Variants in SHPRH observed in about 807,000 individuals in gnomAD.
SHPRH encodes SNF2 histone linker PHD RING helicase.
In SHPRH, 106 loss-of-function variants were observed where a neutral mutation model predicts 202.5. The ratio of observed to expected loss-of-function variants is 0.52; its 90% CI spans 0.45 to 0.62. SHPRH has a LOEUF of 0.62. Among genes scored for constraint, SHPRH ranks in the 20% least tolerant of loss-of-function variants. The probability of loss-of-function intolerance (pLI) is 0.00; values close to 1 mark genes in which losing one functional copy is unlikely to be tolerated. For missense variants in SHPRH, 1,710 were observed against 2,020.0 expected, an observed-to-expected ratio of 0.85 and a Z score of 2.94; for synonymous variants, 729 against 686.0, an observed-to-expected ratio of 1.06 and a Z score of -0.98.
intron 3 of SHPRH, among the ~76,000 whole-genome samples, chr6:145,951,022 G>A (rs1192738195): frequency 6.6e-6 from 1 of 152,034 alleles, no homozygotes; most frequent in African/African-American, 2.4e-5. Context: ...AATAAGAAAT[G>A]GGTTCTCATT....
chr6:145,887,198 A>G (rs1449996011), intron 29 of SHPRH, among the ~76,000 whole-genome samples: 2 of 152,184 alleles, frequency 1.3e-5, no homozygotes, highest in Non-Finnish European at 1.5e-5. Flanking sequence ...CAAGAACTTT[A>G]AAAAGCCTTC....
At chr6:145,956,080 C>T (rs975358805) in intron 1 of SHPRH, among the ~76,000 whole-genome samples, 1 of 151,832 alleles carries the variant, frequency 6.6e-6, no homozygotes, top group African/African-American at 2.4e-5. Context: ...TAAGCTTAAA[C>T]AATGGAAACA....
chr6:145,896,767 T>A (rs1165906574), intron 25 of SHPRH, among the ~76,000 whole-genome samples: 1 of 151,994 alleles, frequency 6.6e-6, no homozygotes, highest in African/African-American at 2.4e-5. Context: ...AACAAAAATA[T>A]AGAAATTAAA....
intron 2 of SHPRH, among the ~76,000 whole-genome samples, chr6:145,878,404 G>C (rs1417482437): frequency 6.6e-6 from 1 of 152,260 alleles, no homozygotes; most frequent in African/African-American, 2.4e-5. Context: ...CCGTGTAGTA[G>C]CATACAGAAG....
intron 23 of SHPRH, 135 bp downstream of exon 23, chr6:145,917,996 A>G: frequency 1.8e-6 from 1 of 542,614 alleles, no homozygotes; most frequent in Non-Finnish European, 3.2e-6. Flanking sequence ...TATTGTAGAG[A>G]CATAGGTAGT....
In SHPRH at chr6:145,924,798, C is replaced by A. The variant is rs1784721689; in HGVS notation, c.3343G>T (p.Ala1115Ser). 1 of 1,611,878 alleles carries A rather than the reference C, an allele frequency of 6.2e-7. No homozygotes were observed. Among genetic ancestry groups the A allele is most frequent in the African/African-American group, 1.3e-5 (1 of 74,884 alleles). Residue 1115 changes from alanine (A) to serine (S), a missense_variant, in exon 17 of 30, where the codon GCT (alanine) becomes TCT (serine). By Grantham distance (99) the Ala-to-Ser change is moderately conservative. Transcript: ENST00000275233. ...GGATATAAAGCTTGCTGGGCTTCAG[C>A]AACTTCTGTATTACACTTGCTCATG... ...HYMSKCNTEV[A>S]EAQQALYPVQ...
downstream of SHPRH, among the ~76,000 whole-genome samples, chr6:145,863,953 A>G (rs1318671195): frequency 1.3e-5 from 2 of 152,238 alleles, no homozygotes; most frequent in Non-Finnish European, 2.9e-5. Flanking sequence ...TTGTTAAAAT[A>G]TCTTGTGATA....
At chr6:145,877,447 A>G (rs2128696511) in intron 2 of SHPRH, among the ~76,000 whole-genome samples, 1 of 152,256 alleles carries the variant, frequency 6.6e-6, no homozygotes, top group South Asian at 2.1e-4. Flanking sequence ...GATGGCTTTT[A>G]TTTGACCATG....
chr6:145,908,590 C>T (rs1314083759), intron 25 of SHPRH: 1 of 152,006 alleles, frequency 6.6e-6, no homozygotes, highest in African/African-American at 2.4e-5. Flanking sequence ...GTCCTTTGTC[C>T]AATTTTTGAT....
At chr6:145,932,197 T>C (rs1412636853) in intron 14 of SHPRH, among the ~76,000 whole-genome samples, 1 of 152,168 alleles carries the variant, frequency 6.6e-6, no homozygotes. Context: ...GGAATACAGT[T>C]TTAATGTTTC....
intron 2 of SHPRH, among the ~76,000 whole-genome samples, chr6:145,866,780 T>G (rs746542078): frequency 6.6e-6 from 1 of 152,212 alleles, no homozygotes; most frequent in Non-Finnish European, 1.5e-5. Flanking sequence ...ATTTGCTTCT[T>G]GAGTTCTGGG....
At chr6:145,881,081 A>C (rs1780545173), downstream of SHPRH, among the ~76,000 whole-genome samples, 1 of 152,230 alleles carries the variant, frequency 6.6e-6, no homozygotes, top group Non-Finnish European at 1.5e-5. Flanking sequence ...GCACGCATAA[A>C]TTATAGTTGG....
downstream of SHPRH, among the ~76,000 whole-genome samples, chr6:145,860,330 G>C (rs1407718803): frequency 1.3e-5 from 2 of 151,814 alleles, no homozygotes; most frequent in Non-Finnish European, 2.9e-5. Flanking sequence ...AAATTAATAT[G>C]CAAAAATTTG....
At chr6:145,887,308 C>T (rs561363101) in intron 29 of SHPRH, among the ~76,000 whole-genome samples, 1 of 152,230 alleles carries the variant, frequency 6.6e-6, no homozygotes, top group Middle Eastern at 3.4e-3. Flanking sequence ...TGCTATGTGA[C>T]AATCCCTTCT....
chr6:145,959,259 C>G (rs1401726658), intron 1 of SHPRH, among the ~76,000 whole-genome samples: 1 of 152,192 alleles, frequency 6.6e-6, no homozygotes, highest in Non-Finnish European at 1.5e-5. Flanking sequence ...GAGCAACCTT[C>G]AGTGTTATAA....
At chr6:145,902,003 G>T in intron 25 of SHPRH, among the ~76,000 whole-genome samples, 1 of 152,034 alleles carries the variant, frequency 6.6e-6, no homozygotes, top group South Asian at 2.1e-4. Flanking sequence ...TAGAGAACTC[G>T]GATGGGAGAC....
At chr6:145,927,968 G>A (rs1322358859) in intron 14 of SHPRH, among the ~76,000 whole-genome samples, 1 of 151,858 alleles carries the variant, frequency 6.6e-6, no homozygotes, top group Non-Finnish European at 1.5e-5. Flanking sequence ...TATGGCCCAT[G>A]GGTCATTTCT....
intron 25 of SHPRH, chr6:145,906,149 A>C (rs1400824887): frequency 6.6e-6 from 1 of 151,786 alleles, no homozygotes; most frequent in Non-Finnish European, 1.5e-5. Context: ...AACAACTTCC[A>C]TTTTTTGAGC....
At position 145,923,678 on chromosome 6, in the gene SHPRH, G is replaced by GTAGT. The variant is rs770080118; in HGVS notation, c.3506_3509dup (p.Tyr1170Ter). 6.2e-7 allele frequency: 1 copy of GTAGT among 1,611,526 alleles called. No individual in the cohort carries two copies. The highest frequency in any genetic ancestry group is 8.5e-7 in the Non-Finnish European group (1 of 1,178,332). On this transcript the variant is annotated stop_gained and frameshift_variant, in exon 18 of 30. Coordinates refer to ENST00000275233, the MANE Select transcript of SHPRH (RefSeq NM_001042683.3). LOFTEE classifies it high-confidence loss of function. ...TAGAAAGCTTGCCAGTTTGTTGCTT[G>GTAGT]TAGTTGCTGGTTATTTCATTTCGCA...
Sources: allele counts gnomAD v4.1 joint callset (sites outside exome capture counted in the v4.1 genomes callset), GRCh38; gene constraint gnomAD v4.1.1; transcripts MANE v1.5; gene names NCBI Gene and HGNC (gene_info 2026-07-23, HGNC 2026-07-21).